Variants in EIF3L observed in about 807,000 individuals in gnomAD.
The protein encoded by EIF3L is eukaryotic translation initiation factor 3 subunit L, also known as eIEF associated protein HSPC021.
Under a neutral mutation model 74.6 loss-of-function variants are expected in EIF3L, and 32 were observed. That is an observed-to-expected ratio of 0.43 (90% CI 0.32 to 0.58). The LOEUF (loss-of-function observed/expected upper bound fraction) is 0.58, where lower values mean the gene tolerates loss of function less well. Ranked by LOEUF, EIF3L falls within the 20% of genes least tolerant of loss-of-function variation. The probability of loss-of-function intolerance (pLI) is 0.06; values close to 1 mark genes in which losing one functional copy is unlikely to be tolerated. For missense variants in EIF3L, 474 were observed against 707.8 expected, an observed-to-expected ratio of 0.67 and a Z score of 3.75; for synonymous variants, 256 against 254.4, an observed-to-expected ratio of 1.01 and a Z score of -0.06.
Position 37,888,480 on chromosome 22 carries a change from T to C in EIF3L, c.*16T>C. Reference sequence around the variant, plus strand: ...GAGACCTTGATGATATTCACACACATTCAGGAACCTGTTTTGATGTATTAT... The same window carrying C: ...GAGACCTTGATGATATTCACACACACTCAGGAACCTGTTTTGATGTATTAT... On this transcript the variant is annotated 3_prime_UTR_variant, in exon 13 of 13. Coordinates refer to ENST00000652021, the MANE Select transcript of EIF3L (RefSeq NM_016091.4). 1 of 1,613,150 alleles carries C rather than the reference T, an allele frequency of 6.2e-7. No homozygotes were observed. Among genetic ancestry groups the C allele is most frequent in the African/African-American group, 1.3e-5 (1 of 75,038 alleles).
intron 8 of EIF3L, among the ~76,000 whole-genome samples, chr22:37,873,825 G>A (rs1181173438): frequency 6.6e-6 from 1 of 152,110 alleles, no homozygotes; most frequent in Non-Finnish European, 1.5e-5. Flanking sequence ...GGCCTCTCAA[G>A]TTGCTGGGAT....
chr22:37,881,598 A>C (rs1308788224), intron 11 of EIF3L: 1 of 152,004 alleles, frequency 6.6e-6, no homozygotes, highest in East Asian at 1.9e-4. Context: ...TAGTAGAGAC[A>C]GGGTTTCTCC....
intron 8 of EIF3L, among the ~76,000 whole-genome samples, chr22:37,872,534 ACAT>A (rs1348518957): frequency 6.6e-6 from 1 of 152,182 alleles, no homozygotes; most frequent in Non-Finnish European, 1.5e-5. Flanking sequence ...TTTGCCACTG[ACAT>A]CAGGTAAGCA....
At chr22:37,878,996 T>G (rs1601780106) in intron 11 of EIF3L, 1 of 144,740 alleles carries the variant, frequency 6.9e-6, no homozygotes. Context: ...CAGGCTAGAG[T>G]GCAGTGGTGC....
chr22:37,870,073 G>A (rs772323262), intron 7 of EIF3L, 103 bp from the exon 8 acceptor site: 12 of 1,007,126 alleles, frequency 1.2e-5, no homozygotes, highest in Non-Finnish European at 1.7e-5. Context: ...CCCTCACCTT[G>A]CCCCATCCAG....
intron 7 of EIF3L, among the ~76,000 whole-genome samples, chr22:37,867,429 C>T (rs529047772): frequency 3.3e-5 from 5 of 152,114 alleles, no homozygotes; most frequent in African/African-American, 1.2e-4. Context: ...GAGGCCAAGG[C>T]GGGCAGATCA....
chr22:37,880,652 A>G (rs1354194071), intron 11 of EIF3L: 5 of 151,986 alleles, frequency 3.3e-5, no homozygotes, highest in African/African-American at 1.2e-4. Flanking sequence ...CACTGTTCCC[A>G]GCCGATTTTA....
intron 12 of EIF3L, 53 bp from the exon 13 acceptor site, chr22:37,888,373 G>A: frequency 6.3e-7 from 1 of 1,599,890 alleles, no homozygotes; most frequent in Non-Finnish European, 8.6e-7. Context: ...CACACTGTAG[G>A]AAAGGGGTTG....
chr22:37,888,063 A>C, intron 12 of EIF3L: 1 of 204,388 alleles, frequency 4.9e-6, no homozygotes, highest in South Asian at 1.5e-4. Context: ...CACATCTGTC[A>C]GGGTGGTGGG....
At chr22:37,874,957 A>G (rs1297965281) in intron 9 of EIF3L, among the ~76,000 whole-genome samples, 1 of 139,110 alleles carries the variant, frequency 7.2e-6, no homozygotes, top group African/African-American at 2.7e-5. Context: ...GTTGGCCAAG[A>G]TGGTCTCGAT....
At chr22:37,860,675 C>A (rs1345127642) in intron 5 of EIF3L, among the ~76,000 whole-genome samples, 1 of 152,108 alleles carries the variant, frequency 6.6e-6, no homozygotes, top group Admixed American at 6.6e-5. Flanking sequence ...GCCTGGCCTT[C>A]AGCATACTTC....
rs1318092025 is a variant in EIF3L, at chr22:37,874,543, G to A, written c.906+19G>A. 4 of 1,607,952 alleles carry A rather than the reference G, an allele frequency of 2.5e-6. No homozygotes were observed. Among genetic ancestry groups the A allele is most frequent in the Non-Finnish European group, 1.7e-6 (2 of 1,175,774 alleles). ...CAAGAAGGTGATGCCTATTGCCTCT[G>A]GCCCCTCTTGCCAGAGCCAGAATAT... On this transcript the variant is annotated intron_variant, in intron 9 of 12. Transcript: ENST00000652021.
chr22:37,876,020 G>A lies in EIF3L; in HGVS notation c.1077+9G>A. ...CGTACAAGTATGAGATGGTAAGGGGGACTCTGCCTGCCACCAGTGGCCTTT... is the reference window on the plus strand; with the variant it reads ...CGTACAAGTATGAGATGGTAAGGGGAACTCTGCCTGCCACCAGTGGCCTTT... On this transcript the variant is annotated intron_variant, in intron 10 of 12. Transcript: ENST00000652021. The A allele has an allele frequency of 1.2e-6, 2 of 1,608,128 alleles. No homozygotes were observed. Among genetic ancestry groups the A allele is most frequent in the Non-Finnish European group, 8.5e-7 (1 of 1,175,526 alleles).
chr22:37,865,880 A>G (rs964924371), intron 7 of EIF3L, among the ~76,000 whole-genome samples: 7 of 152,242 alleles, frequency 4.6e-5, no homozygotes, highest in African/African-American at 1.4e-4. Flanking sequence ...TAAGATAATC[A>G]TAATTCCCTG....
In EIF3L at chr22:37,851,430, G is replaced by A. The variant is rs867466509; in HGVS notation, c.233G>A (p.Arg78His). Residue 78 changes from arginine to histidine, a missense_variant, in exon 3 of 13, where the codon CGT becomes CAT. Coordinates refer to ENST00000652021, the MANE Select transcript of EIF3L (RefSeq NM_016091.4). ...AAAGTGTATGAGCTACAGGCCAGTC[G>A]TGTCTCCAGTGATGTCATTGACCAG... ...DQKVYELQASRVSSDVIDQKV... is the reference protein window; with the variant it reads ...DQKVYELQASHVSSDVIDQKV... The A allele has an allele frequency of 5.6e-6, 9 of 1,613,838 alleles. No homozygotes were observed. The highest frequency in any genetic ancestry group is 1.7e-5 in the Admixed American group (1 of 59,960).
At chr22:37,863,916 T>G (rs1258437648) in intron 7 of EIF3L, among the ~76,000 whole-genome samples, 1 of 151,956 alleles carries the variant, frequency 6.6e-6, no homozygotes, top group Non-Finnish European at 1.5e-5. Context: ...GTACAAAAAA[T>G]TAGCCGGGCG....
At chr22:37,886,593 T>C in intron 11 of EIF3L, 172 bp from the exon 12 acceptor site, 3 of 436,330 alleles carry the variant, frequency 6.9e-6, no homozygotes, top group South Asian at 2.5e-5. Context: ...AGAAAAACTC[T>C]CTAGAAAGAG....
At chr22:37,857,790 T>C (rs937406877) in intron 4 of EIF3L, among the ~76,000 whole-genome samples, 4 of 152,050 alleles carry the variant, frequency 2.6e-5, no homozygotes, top group Non-Finnish European at 4.4e-5. Flanking sequence ...CGCCTCAGCC[T>C]CCCAAAGTGC....
At chr22:37,874,343 A>G (rs757877349) in intron 8 of EIF3L, 27 bp from the exon 9 acceptor site, 59 of 1,605,028 alleles carry the variant, frequency 3.7e-5, no homozygotes, top group South Asian at 2.2e-5. Context: ...GCCTCCTATC[A>G]GTATTCACGG....
Sources: allele counts gnomAD v4.1 joint callset (sites outside exome capture counted in the v4.1 genomes callset), GRCh38; gene constraint gnomAD v4.1.1; transcripts MANE v1.5; gene names NCBI Gene and HGNC (gene_info 2026-07-23, HGNC 2026-07-21).